Variants in MIPOL1 observed in about 807,000 individuals in gnomAD.
The protein encoded by MIPOL1 is mirror-image polydactyly gene 1 protein.
A neutral mutation model predicts 60.9 loss-of-function variants in MIPOL1; 57 were observed. The observed-to-expected ratio is 0.94, with a 90% confidence interval of 0.76 to 1.17. MIPOL1 has a LOEUF of 1.17. MIPOL1 is among the 50% of genes most tolerant of loss of function. MIPOL1 has a pLI of 0.00. For synonymous variants in MIPOL1, 179 were observed against 168.8 expected (o/e 1.06, Z -0.47); for missense variants, 551 against 511.6 (o/e 1.08, Z -0.74).
At chr14:37,247,600 TA>T (rs1973382899) in intron 2 of MIPOL1, among the ~76,000 whole-genome samples, 1 of 152,088 alleles carries the variant, frequency 6.6e-6, no homozygotes, top group African/African-American at 2.4e-5. Flanking sequence ...CATGAATGTC[TA>T]AAAAACTTAA....
chr14:37,326,575 T>C (rs2089182193), intron 9 of MIPOL1, among the ~76,000 whole-genome samples: 1 of 152,186 alleles, frequency 6.6e-6, no homozygotes, highest in African/African-American at 2.4e-5. Context: ...AATGGTGCCA[T>C]GTTGGGAGCT....
intron 12 of MIPOL1, among the ~76,000 whole-genome samples, chr14:37,544,101 A>G (rs946477701): frequency 2.6e-5 from 4 of 152,222 alleles, no homozygotes; most frequent in Admixed American, 6.5e-5. Flanking sequence ...AAAACTCAGA[A>G]GAGAATTTTG....
At chr14:37,523,297 GC>G (rs2095426009) in intron 12 of MIPOL1, among the ~76,000 whole-genome samples, 1 of 152,024 alleles carries the variant, frequency 6.6e-6, no homozygotes. Context: ...TTTAAAAATA[GC>G]CCCTTTTGAC....
chr14:37,516,078 C>T (rs764769235), intron 12 of MIPOL1, among the ~76,000 whole-genome samples: 19 of 152,168 alleles, frequency 1.2e-4, no homozygotes, highest in South Asian at 2.1e-4. Flanking sequence ...TCAATTCAAA[C>T]GCAGACTCTA....
At chr14:37,233,246 GT>G (rs1383171945) in intron 1 of MIPOL1, among the ~76,000 whole-genome samples, 5 of 152,118 alleles carry the variant, frequency 3.3e-5, no homozygotes, top group Non-Finnish European at 7.3e-5. Context: ...CAAAGGTTAG[GT>G]TAACATCAGG....
intron 3 of MIPOL1, among the ~76,000 whole-genome samples, chr14:37,260,828 A>G (rs888818984): frequency 2.0e-5 from 3 of 152,150 alleles, no homozygotes; most frequent in Non-Finnish European, 4.4e-5. Context: ...CTCCTAAATT[A>G]GATTCTCAGG....
At chr14:37,361,551 C>G (rs758083089) in intron 9 of MIPOL1, among the ~76,000 whole-genome samples, 1 of 149,396 alleles carries the variant, frequency 6.7e-6, no homozygotes, top group Non-Finnish European at 1.5e-5. Flanking sequence ...GTTAGCTCTC[C>G]TTGTTGAATT....
At chr14:37,481,208 A>G (rs2153598594) in intron 11 of MIPOL1, among the ~76,000 whole-genome samples, 1 of 152,250 alleles carries the variant, frequency 6.6e-6, no homozygotes, top group South Asian at 2.1e-4. Context: ...CGAAATCCAT[A>G]GCACTTCTAT....
intron 10 of MIPOL1, among the ~76,000 whole-genome samples, chr14:37,383,914 T>C (rs2092995589): frequency 6.6e-6 from 1 of 151,870 alleles, no homozygotes; most frequent in Admixed American, 6.6e-5. Context: ...CTGAAAGATA[T>C]TTAACATACA....
At chr14:37,356,492 G>A (rs1339826122) in intron 9 of MIPOL1, among the ~76,000 whole-genome samples, 2 of 152,098 alleles carry the variant, frequency 1.3e-5, no homozygotes, top group South Asian at 2.1e-4. Context: ...AATGGCGGGC[G>A]CCCCTCCCCC....
chr14:37,205,470 GT>G lies in MIPOL1; in HGVS notation c.-199+7378del, dbSNP rs879260407. The stretch of plus-strand genomic sequence containing the variant: ...CATGGCTGCTGTTAAAACACATTCA[GT>G]TTTTTTTTTTTAATACCTTAAGTTC... On this transcript the variant is annotated intron_variant, in intron 1 of 12. Transcript: ENST00000684589. Among the ~76,000 whole-genome samples the G allele has an allele frequency of 6.2e-3, 910 of 146,066 alleles. 15 individuals are homozygous for G. Among genetic ancestry groups the G allele is most frequent in the African/African-American group, 0.02 (816 of 40,080 alleles).
At chr14:37,419,867 A>C (rs1158854677) in intron 10 of MIPOL1, among the ~76,000 whole-genome samples, 1 of 151,844 alleles carries the variant, frequency 6.6e-6, no homozygotes, top group Non-Finnish European at 1.5e-5. Flanking sequence ...CAGCCTTCTG[A>C]GTAGCTGGGT....
chr14:37,509,594 ATAG>A (rs1486678424), intron 12 of MIPOL1, among the ~76,000 whole-genome samples: 6 of 151,768 alleles, frequency 4.0e-5, no homozygotes, highest in Non-Finnish European at 8.8e-5. Flanking sequence ...ATGTACATAT[ATAG>A]TACAGATACA....
intron 10 of MIPOL1, among the ~76,000 whole-genome samples, chr14:37,397,334 G>A (rs1947432869): frequency 6.6e-6 from 1 of 150,982 alleles, no homozygotes; most frequent in African/African-American, 2.4e-5. Context: ...ACTGTCTATA[G>A]GTCTCTCAGT....
chr14:37,227,601 A>G (rs1969956090), intron 1 of MIPOL1: 1 of 152,228 alleles, frequency 6.6e-6, no homozygotes, highest in South Asian at 2.1e-4. Flanking sequence ...TTATTGCAAC[A>G]AGGAACTCCT....
chr14:37,285,545 T>C, intron 7 of MIPOL1, 98 bp downstream of exon 7: 13 of 1,203,548 alleles, frequency 1.1e-5, no homozygotes, highest in Non-Finnish European at 1.5e-5. Flanking sequence ...CTTATGCTTA[T>C]GTGTTACACT....
intron 12 of MIPOL1, chr14:37,504,472 A>G (rs1232219685): frequency 6.6e-6 from 1 of 152,208 alleles, no homozygotes; most frequent in East Asian, 1.9e-4. Context: ...CTGAACAACT[A>G]CGTGGAAACT....
intron 1 of MIPOL1, among the ~76,000 whole-genome samples, chr14:37,235,379 A>C (rs763993270): frequency 3.3e-5 from 5 of 152,130 alleles, no homozygotes; most frequent in Admixed American, 1.3e-4. Flanking sequence ...AAAATATTTA[A>C]TCCCTCTGTG....
intron 12 of MIPOL1, chr14:37,506,870 GA>G (rs2095282069): frequency 6.6e-6 from 1 of 152,054 alleles, no homozygotes; most frequent in South Asian, 2.1e-4. Context: ...CTAATATCCA[GA>G]ATGTACATAA....
Sources: allele counts gnomAD v4.1 joint callset (sites outside exome capture counted in the v4.1 genomes callset), GRCh38; gene constraint gnomAD v4.1.1; transcripts MANE v1.5; gene names NCBI Gene and HGNC (gene_info 2026-07-23, HGNC 2026-07-21).